NRG1: variants seen among roughly 807,000 people sequenced by gnomAD.
NRG1 encodes the protein pro-neuregulin-1, membrane-bound isoform.
In NRG1, 18 loss-of-function variants were observed where a neutral mutation model predicts 63.8. The ratio of observed to expected loss-of-function variants is 0.28; its 90% CI spans 0.19 to 0.42. The LOEUF (loss-of-function observed/expected upper bound fraction) is 0.42, where lower values mean the gene tolerates loss of function less well. NRG1 is among the 10% of genes least tolerant of loss of function. The probability of loss-of-function intolerance (pLI) is 1.00; values close to 1 mark genes in which losing one functional copy is unlikely to be tolerated. For synonymous variants in NRG1, 302 were observed against 301.3 expected, an observed-to-expected ratio of 1.00 and a Z score of -0.02; for missense variants, 762 against 814.7, an observed-to-expected ratio of 0.94 and a Z score of 0.79.
intron 1 of NRG1, among the ~76,000 whole-genome samples, chr8:31,647,973 C>T (rs1212524424): frequency 6.6e-6 from 1 of 152,048 alleles, no homozygotes; most frequent in African/African-American, 2.4e-5. Context: ...TAAGTATTTG[C>T]ATTGTTGTGT....
chr8:32,765,852 C>G (rs1226987546), exon 12 of NRG1: 1 of 152,078 alleles, frequency 6.6e-6, no homozygotes, highest in East Asian at 1.9e-4. Flanking sequence ...ATTGCATGTT[C>G]TTTTGTGATG....
Position 32,152,727 on chromosome 8 carries a change from A to C in NRG1, c.38-443101A>C, listed in dbSNP as rs193194114. ...GACTGCTGAACTGGTTAAATCCACAAAAAAAAGCATCACATGAATTCATCT... is the reference window on the plus strand; with the variant it reads ...GACTGCTGAACTGGTTAAATCCACACAAAAAAGCATCACATGAATTCATCT... On this transcript the variant is annotated intron_variant, in intron 1 of 10. Coordinates refer to the NRG1 transcript ENST00000519301. Among the ~76,000 whole-genome samples the C allele has an allele frequency of 3.1e-3, 475 of 152,296 alleles. 1 individual carries two copies. The highest frequency in any genetic ancestry group is 0.023 in the South Asian group (113 of 4,818).
chr8:32,651,112 T>C (rs918709473), intron 5 of NRG1, among the ~76,000 whole-genome samples: 1 of 152,184 alleles, frequency 6.6e-6, no homozygotes, highest in African/African-American at 2.4e-5. Flanking sequence ...ACAACATTCT[T>C]TGTCTTTGTT....
intron 5 of NRG1, among the ~76,000 whole-genome samples, chr8:32,634,115 A>AAAAAAAAAAAAAAAAAAAAAAAAAAAC (rs1850867580): frequency 6.6e-6 from 1 of 151,318 alleles, no homozygotes; most frequent in East Asian, 1.9e-4. Context: ...AAAAAAAAAA[A>AAAAAAAAAAAAAAAAAAAAAAAAAAAC]AAAGGTTGCA....
intron 1 of NRG1, among the ~76,000 whole-genome samples, chr8:31,845,331 T>C (rs1167876900): frequency 6.6e-6 from 1 of 152,192 alleles, no homozygotes; most frequent in Non-Finnish European, 1.5e-5. Flanking sequence ...TCTTTTTGTC[T>C]ATTCTTCATT....
chr8:32,737,753 T>C (rs1413645761), intron 6 of NRG1, among the ~76,000 whole-genome samples: 1 of 147,244 alleles, frequency 6.8e-6, no homozygotes, highest in East Asian at 2.2e-4. Flanking sequence ...CTCTGCTCAC[T>C]ACAACCTCCG....
At chr8:32,197,484 T>A (rs1332499943) in intron 1 of NRG1, among the ~76,000 whole-genome samples, 1 of 152,218 alleles carries the variant, frequency 6.6e-6, no homozygotes, top group Non-Finnish European at 1.5e-5. Context: ...CTGGGCAAAA[T>A]GTGCCTCGTA....
At chr8:32,132,421 C>T (rs567333572) in intron 1 of NRG1, among the ~76,000 whole-genome samples, 7 of 151,940 alleles carry the variant, frequency 4.6e-5, no homozygotes, top group South Asian at 2.1e-4. Flanking sequence ...GAAACTTGTA[C>T]GTTTATATAA....
intron 1 of NRG1, among the ~76,000 whole-genome samples, chr8:31,757,298 G>A (rs1817069660): frequency 6.6e-6 from 1 of 152,032 alleles, no homozygotes; most frequent in Non-Finnish European, 1.5e-5. Flanking sequence ...TGACATAGAA[G>A]GGGGTTGAAA....
At chr8:32,256,830 G>C (rs915006026) in intron 1 of NRG1, among the ~76,000 whole-genome samples, 4 of 152,170 alleles carry the variant, frequency 2.6e-5, no homozygotes. Context: ...GAGTTCTGCT[G>C]CTCTCTTCAG....
chr8:31,741,379 T>C (rs936479192), intron 1 of NRG1, among the ~76,000 whole-genome samples: 1 of 151,634 alleles, frequency 6.6e-6, no homozygotes, highest in Admixed American at 6.6e-5. Flanking sequence ...AAGTTGAAAG[T>C]AAATAAATAG....
At chr8:31,835,228 G>A (rs542083266) in intron 1 of NRG1, among the ~76,000 whole-genome samples, 21 of 152,290 alleles carry the variant, frequency 1.4e-4, no homozygotes, top group Middle Eastern at 3.4e-3. Context: ...AACTTGCCAA[G>A]TCACACAGCT....
intron 1 of NRG1, among the ~76,000 whole-genome samples, chr8:32,091,833 G>A (rs1165628083): frequency 6.6e-6 from 1 of 152,120 alleles, no homozygotes; most frequent in Non-Finnish European, 1.5e-5. Context: ...GAACAAGGGA[G>A]GTCAGAAAGC....
At chr8:32,114,995 T>TA (rs201900543) in intron 1 of NRG1, among the ~76,000 whole-genome samples, 1,612 of 152,128 alleles carry the variant, frequency 0.011, 14 homozygotes, top group Middle Eastern at 0.031. Context: ...ATGCAGGCAT[T>TA]GGGGTGACAA....
intron 1 of NRG1, among the ~76,000 whole-genome samples, chr8:31,712,255 C>CTTTTTTTTTTTTTTTTTTT (rs57363109): frequency 8.3e-5 from 6 of 72,352 alleles, no homozygotes; most frequent in African/African-American, 2.3e-4. Flanking sequence ...TCTTCATGAT[C>CTTTTTTTTTTTTTTTTTTT]TTTTTTTTTT....
intron 1 of NRG1, among the ~76,000 whole-genome samples, chr8:32,038,377 T>G (rs572798068): frequency 6.6e-5 from 10 of 152,150 alleles, no homozygotes; most frequent in Middle Eastern, 3.4e-3. Flanking sequence ...TACTTGCTCT[T>G]TTTGTTCTTG....
chr8:32,131,053 G>A (rs1180021111), intron 1 of NRG1, among the ~76,000 whole-genome samples: 1 of 151,924 alleles, frequency 6.6e-6, no homozygotes, highest in African/African-American at 2.4e-5. Context: ...AAAGAGGAAG[G>A]TTAATTAGCA....
chr8:32,294,818 AC>A (rs1480026980), intron 1 of NRG1, among the ~76,000 whole-genome samples: 1 of 151,952 alleles, frequency 6.6e-6, no homozygotes, highest in Non-Finnish European at 1.5e-5. Flanking sequence ...ATAATAAATA[AC>A]ATTATGCAGT....
intron 1 of NRG1, among the ~76,000 whole-genome samples, chr8:32,452,141 G>A (rs773341694): frequency 8.6e-5 from 13 of 152,000 alleles, no homozygotes; most frequent in Non-Finnish European, 4.4e-5. Flanking sequence ...ACTTCCTTCT[G>A]ATCAAGTCAT....
Sources: gnomAD v4.1 joint callset for allele counts (sites outside exome capture counted in the v4.1 genomes callset) on GRCh38, gnomAD v4.1.1 for gene constraint, MANE v1.5 for transcripts, NCBI Gene and HGNC (gene_info 2026-07-23, HGNC 2026-07-21) for gene names.